The following MTTP variants were observed in gnomAD, a reference collection of about 807,000 sequenced individuals.
MTTP encodes microsomal triglyceride transfer protein large subunit.
A neutral mutation model predicts 90.6 loss-of-function variants in MTTP; 49 were observed. The observed-to-expected ratio is 0.54, with a 90% CI of 0.43 to 0.69. The LOEUF (loss-of-function observed/expected upper bound fraction) is 0.69. Ranked by LOEUF, MTTP falls within the 30% of genes least tolerant of loss-of-function variation. The pLI is 0.00. For synonymous variants in MTTP, 347 were observed against 384.2 expected, an observed-to-expected ratio of 0.90 and a Z score of 1.13; for missense variants, 945 against 1,067.5, an observed-to-expected ratio of 0.89 and a Z score of 1.60.
intron 16 of MTTP, 39 bp from the exon 17 acceptor site, chr4:99,621,022 A>G (rs1217567901): frequency 1.9e-6 from 3 of 1,588,886 alleles, no homozygotes; most frequent in Non-Finnish European, 2.6e-6. Context: ...CATTAAATAT[A>G]ATATGAACAA....
At chr4:99,565,438 G>C (rs1256958203) in intron 1 of MTTP, among the ~76,000 whole-genome samples, 1 of 152,114 alleles carries the variant, frequency 6.6e-6, no homozygotes, top group African/African-American at 2.4e-5. Flanking sequence ...AAGAGCACCA[G>C]CAAAAGTCAA....
intron 11 of MTTP, among the ~76,000 whole-genome samples, chr4:99,608,295 A>G (rs1725867959): frequency 6.6e-6 from 1 of 151,854 alleles, no homozygotes. Flanking sequence ...AAATACAAAA[A>G]TCAGCTGGGC....
chr4:99,582,412 A>C (rs532060533), intron 2 of MTTP, among the ~76,000 whole-genome samples: 2 of 152,330 alleles, frequency 1.3e-5, no homozygotes, highest in South Asian at 4.1e-4. Context: ...TCAATAATCC[A>C]TGTTGTATGA....
exon 1 of MTTP, chr4:99,564,190 C>G (rs886058955): frequency 3.3e-6 from 5 of 1,535,284 alleles, no homozygotes; most frequent in South Asian, 1.2e-5. Context: ...TTTTCCCGTT[C>G]AAGAATTAAG....
At chr4:99,593,488 G>C (rs946843634) in intron 6 of MTTP, among the ~76,000 whole-genome samples, 3 of 152,154 alleles carry the variant, frequency 2.0e-5, no homozygotes, top group African/African-American at 7.2e-5. Flanking sequence ...ATTTAGGCCT[G>C]TTTATCATTT....
chr4:99,575,060 A>G, intron 1 of MTTP, 90 bp downstream of exon 1: 2 of 1,383,560 alleles, frequency 1.4e-6, no homozygotes, highest in South Asian at 2.3e-5. Flanking sequence ...GTGTGAGTGA[A>G]TAGTGAAAGA....
At chr4:99,567,850 A>G (rs917511128) in intron 1 of MTTP, among the ~76,000 whole-genome samples, 2 of 152,168 alleles carry the variant, frequency 1.3e-5, no homozygotes, top group Non-Finnish European at 2.9e-5. Context: ...GAAACTGGAA[A>G]AGATATTCTA....
chr4:99,615,161 G>C (rs1481048575), intron 15 of MTTP, among the ~76,000 whole-genome samples: 2 of 152,176 alleles, frequency 1.3e-5, no homozygotes, highest in African/African-American at 4.8e-5. Context: ...ATCTAGATCT[G>C]GGTCAGCAAA....
chr4:99,611,049 C>CT, intron 12 of MTTP, 94 bp from the exon 13 acceptor site: 3 of 1,425,524 alleles, frequency 2.1e-6, no homozygotes, highest in Non-Finnish European at 2.9e-6. Flanking sequence ...TTGGCTTCCT[C>CT]TTTTTTCCAC....
At chr4:99,605,793 C>A (rs1725800518) in intron 10 of MTTP, among the ~76,000 whole-genome samples, 1 of 151,806 alleles carries the variant, frequency 6.6e-6, no homozygotes, top group Admixed American at 6.6e-5. Context: ...TGTTTAGCAT[C>A]TTTCCTTCTA....
intron 6 of MTTP, 113 bp from the exon 7 acceptor site, chr4:99,594,620 G>A: frequency 9.9e-6 from 12 of 1,217,498 alleles, no homozygotes; most frequent in Non-Finnish European, 1.3e-5. Flanking sequence ...GAAAGACATG[G>A]CTATATACAA....
chr4:99,580,956 G>A (rs1725096115), intron 1 of MTTP, among the ~76,000 whole-genome samples: 1 of 152,070 alleles, frequency 6.6e-6, no homozygotes, highest in Admixed American at 6.5e-5. Flanking sequence ...CTCCCCATAT[G>A]TATATTTCCT....
At chr4:99,571,153 T>C (rs1451282895), upstream of MTTP, among the ~76,000 whole-genome samples, 1 of 151,996 alleles carries the variant, frequency 6.6e-6, no homozygotes, top group Non-Finnish European at 1.5e-5. Flanking sequence ...TAACATTTTT[T>C]ATTTTCTTAT....
At position 99,614,788 on chromosome 4, in the gene MTTP, T is replaced by G. The variant is rs116454712; in HGVS notation, c.2217+1648T>G. 9.4e-3 allele frequency among the ~76,000 whole-genome samples: 1,433 copies of G among 152,332 alleles called. 26 individuals are homozygous for G. Among genetic ancestry groups the G allele is most frequent in the African/African-American group, 0.032 (1,351 of 41,584 alleles). On this transcript the variant is annotated intron_variant, in intron 15 of 17. Coordinates refer to ENST00000265517, the MANE Select transcript of MTTP (RefSeq NM_001386140.1). Reference sequence around the variant, plus strand: ...TTGTTTGGAATCCCTGTCTAGGTTTTGGACCAAAACGGTGTTACATGGCTA... The same window carrying G: ...TTGTTTGGAATCCCTGTCTAGGTTTGGGACCAAAACGGTGTTACATGGCTA...
chr4:99,591,862 A>T, intron 6 of MTTP, 72 bp downstream of exon 6: 1 of 1,368,932 alleles, frequency 7.3e-7, no homozygotes, highest in Non-Finnish European at 1.0e-6. Context: ...TTGTAAATAG[A>T]TCTGTGTTTG....
At chr4:99,590,157 G>A (rs181942899) in intron 4 of MTTP, among the ~76,000 whole-genome samples, 20 of 152,072 alleles carry the variant, frequency 1.3e-4, no homozygotes, top group Admixed American at 3.3e-4. Context: ...GTGCAATGGC[G>A]CAATCTCGGC....
chr4:99,601,621 T>C lies in MTTP; in HGVS notation c.1251T>C (p.Gly417=). The C allele has an allele frequency of 6.2e-7, 1 of 1,611,618 alleles. No individual in the cohort carries two copies. Among genetic ancestry groups the C allele is most frequent in the Non-Finnish European group, 8.5e-7 (1 of 1,178,002 alleles). The change falls in exon 10 of 18, where the codon GGT becomes GGC. Residue 417 remains glycine (G), a synonymous_variant. Transcript: ENST00000265517. ...TTGGTTAATAGAGTAAGTTCAAAGGTTCTATTGGTAGCAGTGACATCAGAG... is the reference window on the plus strand; with the variant it reads ...TTGGTTAATAGAGTAAGTTCAAAGGCTCTATTGGTAGCAGTGACATCAGAG... The part of the protein sequence containing the change: ...LLRALISKFK[G]SIGSSDIRET...
At chr4:99,570,944 G>A (rs2110205327), upstream of MTTP, 1 of 344,170 alleles carries the variant, frequency 2.9e-6, no homozygotes, top group South Asian at 2.3e-5. Context: ...TGTGAGACCA[G>A]TGTTAGACTT....
At chr4:99,587,836 T>C (rs1346038161) in intron 3 of MTTP, among the ~76,000 whole-genome samples, 1 of 152,130 alleles carries the variant, frequency 6.6e-6, no homozygotes, top group Non-Finnish European at 1.5e-5. Context: ...GAAATTACAC[T>C]GTGATTATTA....
Sources: allele counts gnomAD v4.1 joint callset (sites outside exome capture counted in the v4.1 genomes callset), GRCh38; gene constraint gnomAD v4.1.1; transcripts MANE v1.5; gene names NCBI Gene and HGNC (gene_info 2026-07-23, HGNC 2026-07-21).